Variants in APP observed in about 807,000 individuals in gnomAD.
APP encodes amyloid-beta precursor protein.
Under a neutral mutation model 101.4 loss-of-function variants are expected in APP, and 31 were observed. That is an observed-to-expected ratio of 0.31 (90% CI 0.23 to 0.41). APP has a LOEUF of 0.41. Ranked by LOEUF, APP falls within the 10% of genes least tolerant of loss-of-function variation. The probability of loss-of-function intolerance (pLI) is 1.00; values close to 1 mark genes in which losing one functional copy is unlikely to be tolerated. For missense variants in APP, 839 were observed against 1,003.7 expected (o/e 0.84, Z 2.22); for synonymous variants, 366 against 364.4 (o/e 1.00, Z -0.05).
chr21:25,881,664 G>C lies in APP; in HGVS notation c.*6C>G. The C allele has an allele frequency of 6.2e-7, 1 of 1,613,264 alleles. No individual in the cohort carries two copies. ...GTCCAACTTCAGAGGCTGCTGTGGC[G>C]GGGGTCTAGTTCTGCATCTGCTCAA... On this transcript the variant is annotated 3_prime_UTR_variant, in exon 18 of 18. Coordinates refer to ENST00000346798, the MANE Select transcript of APP (RefSeq NM_000484.4).
At chr21:26,049,918 G>A (rs1480930892) in intron 5 of APP, among the ~76,000 whole-genome samples, 1 of 152,172 alleles carries the variant, frequency 6.6e-6, no homozygotes, top group Non-Finnish European at 1.5e-5. Context: ...CTGTGTTCAG[G>A]TACTGAAATG....
chr21:26,122,140 C>T (rs535351714), intron 1 of APP, among the ~76,000 whole-genome samples: 23 of 152,268 alleles, frequency 1.5e-4, no homozygotes, highest in Non-Finnish European at 2.1e-4. Context: ...ACCCTATTTT[C>T]CTATACAGTT....
At chr21:26,112,989 TA>T (rs1471341045) in intron 1 of APP, among the ~76,000 whole-genome samples, 1 of 152,100 alleles carries the variant, frequency 6.6e-6, no homozygotes. Flanking sequence ...TTTACAAAAA[TA>T]TTTTTAAAAG....
intron 15 of APP, among the ~76,000 whole-genome samples, chr21:25,900,843 G>C (rs1025375296): frequency 2.0e-5 from 3 of 151,604 alleles, no homozygotes; most frequent in Non-Finnish European, 4.4e-5. Flanking sequence ...CAAAAAATTA[G>C]CCGGACGTGG....
In APP at chr21:26,112,006, C is replaced by T. The variant is rs1411114284; in HGVS notation, c.198G>A (p.Lys66=). The stretch of plus-strand genomic sequence containing the variant: ...CTTGGCAATACTGCAGGATGCCTTC[C>T]TTGGTATCAATGCAGGTTTTGGTCC... ...PSGTKTCIDT[K]EGILQYCQEV... is the part of the protein sequence containing the mutation. Residue 66 remains lysine (K), a synonymous_variant, in exon 2 of 18, where the codon AAG becomes AAA. Transcript: ENST00000346798. The T allele has an allele frequency of 6.2e-7, 1 of 1,614,092 alleles. No individual in the cohort carries two copies. Among genetic ancestry groups the T allele is most frequent in the Non-Finnish European group, 8.5e-7 (1 of 1,179,984 alleles).
At chr21:25,917,105 AC>A (rs1203314294) in intron 13 of APP, among the ~76,000 whole-genome samples, 2 of 152,132 alleles carry the variant, frequency 1.3e-5, no homozygotes, top group African/African-American at 4.8e-5. Flanking sequence ...TACTAAAAAT[AC>A]AAAAATTAGC....
At chr21:26,044,767 A>G (rs10154121) in intron 5 of APP, among the ~76,000 whole-genome samples, 37,644 of 152,050 alleles carry the variant, frequency 0.25, 5,323 homozygotes, top group South Asian at 0.37. Flanking sequence ...TCGAACTCCC[A>G]ACCTCAGGCG....
At chr21:25,941,178 G>A (rs1006873867) in intron 13 of APP, 3 of 152,204 alleles carry the variant, frequency 2.0e-5, no homozygotes, top group Non-Finnish European at 4.4e-5. Flanking sequence ...GATTGGGGAT[G>A]GGCATTATAG....
intron 15 of APP, among the ~76,000 whole-genome samples, chr21:25,903,620 G>T (rs1601347979): frequency 6.6e-6 from 1 of 152,232 alleles, no homozygotes; most frequent in South Asian, 2.1e-4. Context: ...ACCTGAGCTG[G>T]CTGTGGTTGC....
chr21:25,929,739 GA>G (rs969348536), intron 13 of APP, among the ~76,000 whole-genome samples: 2 of 151,620 alleles, frequency 1.3e-5, no homozygotes, highest in African/African-American at 4.8e-5. Flanking sequence ...AGTACAGTGA[GA>G]AAAAAAAATT....
intron 1 of APP, among the ~76,000 whole-genome samples, chr21:26,131,793 T>A (rs752362437): frequency 3.3e-5 from 5 of 152,230 alleles, no homozygotes; most frequent in African/African-American, 4.8e-5. Context: ...GATAGTCATG[T>A]CTTGAATCTC....
At chr21:25,943,300 C>G (rs1193327066) in intron 13 of APP, among the ~76,000 whole-genome samples, 6 of 152,116 alleles carry the variant, frequency 3.9e-5, no homozygotes, top group African/African-American at 1.2e-4. Flanking sequence ...GGATTACAGG[C>G]ATGCACCACC....
chr21:25,948,552 G>A (rs1026541882), intron 13 of APP, among the ~76,000 whole-genome samples: 3 of 149,726 alleles, frequency 2.0e-5, no homozygotes, highest in African/African-American at 7.3e-5. Flanking sequence ...AATAATTCAT[G>A]TTTTTATTAA....
intron 2 of APP, among the ~76,000 whole-genome samples, chr21:26,091,716 T>C (rs756573431): frequency 6.6e-6 from 1 of 151,622 alleles, no homozygotes; most frequent in Non-Finnish European, 1.5e-5. Flanking sequence ...CAAGCTGAGG[T>C]AGGGGGGCTT....
intron 5 of APP, among the ~76,000 whole-genome samples, chr21:26,049,919 T>A (rs2045767598): frequency 1.3e-5 from 2 of 152,150 alleles, no homozygotes; most frequent in African/African-American, 2.4e-5. Flanking sequence ...TGTGTTCAGG[T>A]ACTGAAATGG....
intron 2 of APP, among the ~76,000 whole-genome samples, chr21:26,093,321 AGT>A (rs1289775013): frequency 2.0e-5 from 3 of 152,302 alleles, no homozygotes; most frequent in African/African-American, 7.2e-5. Flanking sequence ...TGTGCAGTAA[AGT>A]GTGAGTTACT....
intron 3 of APP, among the ~76,000 whole-genome samples, chr21:26,071,476 G>T (rs964592081): frequency 9.9e-5 from 15 of 152,202 alleles, no homozygotes; most frequent in African/African-American, 3.4e-4. Context: ...ACAGAAAAGT[G>T]TCTGAAGAGA....
At chr21:26,079,216 G>A (rs2061551243) in intron 3 of APP, among the ~76,000 whole-genome samples, 1 of 152,030 alleles carries the variant, frequency 6.6e-6, no homozygotes, top group African/African-American at 2.4e-5. Context: ...GCTCAGAAGC[G>A]GCTAGAGTAG....
Position 26,016,930 on chromosome 21 carries a change from TGGGGGGCGGGGGGCGGG to T in APP, c.865+4893_865+4909del, listed in dbSNP as rs754596509. Among the ~76,000 whole-genome samples, 6 of 23,578 alleles carry T rather than the reference TGGGGGGCGGGGGGCGGG, an allele frequency of 2.5e-4. No homozygotes were observed. In the East Asian group the frequency reaches 3.1e-3, roughly 12 times the overall value. The allele number at this position is 23,578 out of a possible 152,430, so 15.5% of individuals were successfully genotyped here. On this transcript the variant is annotated intron_variant, in intron 6 of 17. Transcript: ENST00000346798. ...GGTGGCCTGTATTCCCAGCACTTTG[TGGGGGGCGGGGGGCGGG>T]GGGCGGGGGGTGCCGCCAAGGTGGG... is the stretch of plus-strand genomic sequence containing the variant.
Sources: allele counts gnomAD v4.1 joint callset (sites outside exome capture counted in the v4.1 genomes callset), GRCh38; gene constraint gnomAD v4.1.1; transcripts MANE v1.5; gene names NCBI Gene and HGNC (gene_info 2026-07-23, HGNC 2026-07-21).